Variants in TSHZ2 observed in about 807,000 individuals in gnomAD.
The protein encoded by TSHZ2 is teashirt zinc finger homeobox 2.
TSHZ2 carries 21 observed loss-of-function variants against 74.4 expected under a neutral mutation model. That is an observed-to-expected ratio of 0.28 (90% CI 0.20 to 0.41). TSHZ2 has a LOEUF of 0.41. Ranked by LOEUF, TSHZ2 falls within the 10% of genes least tolerant of loss-of-function variation. The pLI is 1.00. For missense variants in TSHZ2, 1,244 were observed against 1,293.5 expected, an observed-to-expected ratio of 0.96 and a Z score of 0.59; for synonymous variants, 540 against 515.3, an observed-to-expected ratio of 1.05 and a Z score of -0.65.
chr20:53,090,137 C>T (rs1013349507), intron 1 of TSHZ2, among the ~76,000 whole-genome samples: 1 of 152,220 alleles, frequency 6.6e-6, no homozygotes, highest in African/African-American at 2.4e-5. Context: ...GAGCAGGAAG[C>T]ATCCAGCACA....
chr20:53,216,894 C>T (rs141710874), intron 1 of TSHZ2, among the ~76,000 whole-genome samples: 1 of 152,172 alleles, frequency 6.6e-6, no homozygotes, highest in African/African-American at 2.4e-5. Flanking sequence ...CTGGCAGCTC[C>T]TGGCGACTCA....
chr20:53,463,380 G>GAGAGAGGA (rs1985442122), intron 2 of TSHZ2, among the ~76,000 whole-genome samples: 2 of 68,618 alleles, frequency 2.9e-5, no homozygotes, highest in Non-Finnish European at 5.4e-5. Flanking sequence ...CAGAGAGAGA[G>GAGAGAGGA]AGGAAGGAAG....
At chr20:53,101,495 C>T (rs1986216686) in intron 1 of TSHZ2, among the ~76,000 whole-genome samples, 1 of 152,160 alleles carries the variant, frequency 6.6e-6, no homozygotes, top group Non-Finnish European at 1.5e-5. Context: ...TTTAAAATGT[C>T]TGTATTCTTA....
intron 2 of TSHZ2, among the ~76,000 whole-genome samples, chr20:53,305,975 G>GAAA (rs35465133): frequency 1.5e-5 from 2 of 137,254 alleles, no homozygotes; most frequent in Non-Finnish European, 3.1e-5. Context: ...AAGACTCTGT[G>GAAA]AAAAAAAAAA....
intron 1 of TSHZ2, among the ~76,000 whole-genome samples, chr20:53,024,634 T>C (rs1983369205): frequency 6.6e-6 from 1 of 152,094 alleles, no homozygotes; most frequent in Non-Finnish European, 1.5e-5. Context: ...CTCCTAATGT[T>C]ATCCCTCTCC....
intron 1 of TSHZ2, among the ~76,000 whole-genome samples, chr20:53,250,418 A>G (rs1299509869): frequency 1.3e-5 from 2 of 152,142 alleles, no homozygotes; most frequent in Admixed American, 1.3e-4. Context: ...TCTTGCCCCA[A>G]CTGCTGGTGG....
rs551918150 is a variant in TSHZ2, at chr20:53,021,654, C to G, written c.40+48321C>G. Among the ~76,000 whole-genome samples, 14 of 152,264 alleles carry G rather than the reference C, an allele frequency of 9.2e-5. No homozygotes were observed. The South Asian group carries it at 2.9e-3, about 32-fold the overall frequency. ...CCAGAAAAGCGTGATGTGGGACCAG[C>G]CTTTACCAACTCCAGCAGGAACTGA... On this transcript the variant is annotated intron_variant, in intron 1 of 2. Transcript: ENST00000371497.
At chr20:53,071,925 C>A (rs1412246293) in intron 1 of TSHZ2, among the ~76,000 whole-genome samples, 1 of 152,166 alleles carries the variant, frequency 6.6e-6, no homozygotes, top group Non-Finnish European at 1.5e-5. Flanking sequence ...GCTCCCCAAC[C>A]CAGGCCGGCA....
intron 1 of TSHZ2, among the ~76,000 whole-genome samples, chr20:53,221,524 G>T (rs1989556741): frequency 6.6e-6 from 1 of 152,172 alleles, no homozygotes; most frequent in South Asian, 2.1e-4. Flanking sequence ...GAGGTTTTGT[G>T]ACGGAGTGGT....
At chr20:53,052,837 G>C (rs1161854622) in intron 1 of TSHZ2, among the ~76,000 whole-genome samples, 1 of 152,160 alleles carries the variant, frequency 6.6e-6, no homozygotes, top group Non-Finnish European at 1.5e-5. Context: ...CCAAAAGTGG[G>C]ATTATGCCTG....
At chr20:53,217,585 T>G (rs867242212) in intron 1 of TSHZ2, among the ~76,000 whole-genome samples, 18 of 152,124 alleles carry the variant, frequency 1.2e-4, no homozygotes, top group African/African-American at 4.1e-4. Flanking sequence ...ATGGGGACCA[T>G]GGCAGATCCC....
At chr20:53,468,208 A>AATC (rs1985619231) in intron 2 of TSHZ2, among the ~76,000 whole-genome samples, 1 of 152,188 alleles carries the variant, frequency 6.6e-6, no homozygotes, top group African/African-American at 2.4e-5. Flanking sequence ...TTAGATTGAC[A>AATC]TACCTTTGAT....
chr20:53,185,677 G>A (rs192143423), intron 1 of TSHZ2: 5 of 1,535,856 alleles, frequency 3.3e-6, no homozygotes, highest in Non-Finnish European at 4.4e-6. Flanking sequence ...CATTATACAG[G>A]TACAACAGTT....
chr20:53,416,986 A>C (rs542979648), intron 2 of TSHZ2, among the ~76,000 whole-genome samples: 11 of 152,320 alleles, frequency 7.2e-5, no homozygotes, highest in Admixed American at 5.9e-4. Context: ...TGTTTTCTCA[A>C]CCTTGGCACT....
intron 1 of TSHZ2, among the ~76,000 whole-genome samples, chr20:53,243,299 G>A (rs1376460639): frequency 6.6e-6 from 1 of 152,142 alleles, no homozygotes; most frequent in South Asian, 2.1e-4. Flanking sequence ...CAGTGATAGG[G>A]TAGTTCTGAG....
At position 53,256,131 on chromosome 20, in the gene TSHZ2, C is replaced by T; in HGVS notation, c.2673C>T (p.Leu891=). 6.2e-7 allele frequency: 1 copy of T among 1,614,036 alleles called. No homozygotes were observed. The highest frequency in any genetic ancestry group is 8.5e-7 in the Non-Finnish European group (1 of 1,179,912). Residue 891 remains leucine, a synonymous_variant, in exon 2 of 3, where the codon CTC becomes CTT. Coordinates refer to ENST00000371497, the MANE Select transcript of TSHZ2 (RefSeq NM_173485.6). This position sits in a 1 kb window ranked among gnomAD's most constrained non-coding sequence, Gnocchi z 4.3. The part of the protein sequence containing the change: ...ERMQISKFTG[L]SMTTISHWLA... ...TGCAAATCTCTAAGTTTACGGGACT[C>T]TCAATGACCACTATCAGTCACTGGC...
intron 1 of TSHZ2, among the ~76,000 whole-genome samples, chr20:53,221,712 C>A (rs938169436): frequency 6.6e-6 from 1 of 152,142 alleles, no homozygotes; most frequent in African/African-American, 2.4e-5. Flanking sequence ...CCCTCCTAAA[C>A]GTGTTTGAGA....
chr20:53,121,062 T>C (rs1293427), intron 1 of TSHZ2, among the ~76,000 whole-genome samples: 99,648 of 151,902 alleles, frequency 0.66, 32,991 homozygotes, highest in Admixed American at 0.76. Context: ...TGATAGACTT[T>C]TTTTCCCAGC....
intron 1 of TSHZ2, among the ~76,000 whole-genome samples, chr20:53,228,522 C>T (rs895391225): frequency 4.6e-5 from 7 of 152,200 alleles, no homozygotes; most frequent in Non-Finnish European, 8.8e-5. Context: ...TCCGGTAATT[C>T]TCTGTTTTGG....
Sources: allele counts gnomAD v4.1 joint callset (sites outside exome capture counted in the v4.1 genomes callset), GRCh38; gene constraint gnomAD v4.1.1; non-coding constraint Gnocchi (gnomAD v3.1); transcripts MANE v1.5; gene names NCBI Gene and HGNC (gene_info 2026-07-23, HGNC 2026-07-21).